Variants in KLRG1 observed in about 807,000 individuals in gnomAD.
KLRG1 encodes the protein killer cell lectin like receptor G1.
A neutral mutation model predicts 21.8 loss-of-function variants in KLRG1; 16 were observed. That is an observed-to-expected ratio of 0.73 (90% CI 0.50 to 1.11). The LOEUF (loss-of-function observed/expected upper bound fraction) is 1.11, where lower values mean the gene tolerates loss of function less well. KLRG1 is among the 50% of genes most tolerant of loss of function. The pLI, the probability that KLRG1 is intolerant of heterozygous loss-of-function variation, is 0.00. For synonymous variants in KLRG1, 69 were observed against 75.9 expected (o/e 0.91, Z 0.47); for missense variants, 173 against 218.3 (o/e 0.79, Z 1.31).
the KLRG1 span, among the ~76,000 whole-genome samples, chr12:9,159,444 C>G: frequency 6.6e-6 from 1 of 151,868 alleles, no homozygotes; most frequent in African/African-American, 2.4e-5. Flanking sequence ...TCCACCAAAA[C>G]TCATGTTAAA....
At chr12:9,122,932 G>T in the KLRG1 span, among the ~76,000 whole-genome samples, 2 of 48,546 alleles carry the variant, frequency 4.1e-5, no homozygotes, top group East Asian at 2.7e-4. Flanking sequence ...ACTGGTTTTT[G>T]ACTTTGGCAG....
chr12:9,093,819 G>C, the KLRG1 span, among the ~76,000 whole-genome samples: 1,963 of 152,084 alleles, frequency 0.013, 81 homozygotes, highest in African/African-American at 0.043. Flanking sequence ...CCAGCACTTT[G>C]AGAGGCCGAG....
At chr12:9,006,184 C>T (rs942553998) in intron 3 of KLRG1, among the ~76,000 whole-genome samples, 4 of 152,156 alleles carry the variant, frequency 2.6e-5, no homozygotes, top group African/African-American at 9.7e-5. Flanking sequence ...GTTACGTGTG[C>T]TTTCATTTTC....
chr12:9,200,527 T>C, the KLRG1 span: 1 of 1,171,914 alleles, frequency 8.5e-7, no homozygotes, highest in Middle Eastern at 2.0e-4. Flanking sequence ...ATGTCTATAA[T>C]TTTTCCCAAA....
At chr12:8,999,722 C>G (rs1310766323) in intron 3 of KLRG1, among the ~76,000 whole-genome samples, 1 of 152,132 alleles carries the variant, frequency 6.6e-6, no homozygotes, top group Non-Finnish European at 1.5e-5. Flanking sequence ...TCTCAGTTTC[C>G]TCATGTACAA....
chr12:9,154,993 C>G, the KLRG1 span, among the ~76,000 whole-genome samples: 10 of 152,206 alleles, frequency 6.6e-5, no homozygotes, highest in African/African-American at 2.2e-4. Context: ...CACTAACTCA[C>G]ACTTCTATGC....
At chr12:8,978,968 G>C (rs1229986706) in intron 1 of KLRG1, among the ~76,000 whole-genome samples, 1 of 150,766 alleles carries the variant, frequency 6.6e-6, no homozygotes. Context: ...ACCTGCTTCA[G>C]CCTCCCAAAG....
the KLRG1 span, chr12:9,065,324 A>T: frequency 6.6e-6 from 1 of 152,042 alleles, no homozygotes; most frequent in Non-Finnish European, 1.5e-5. Context: ...GGCTGTGGAC[A>T]TTTTCTGTGC....
the KLRG1 span, chr12:9,077,316 C>A: frequency 6.3e-7 from 1 of 1,590,984 alleles, no homozygotes; most frequent in Non-Finnish European, 8.6e-7. Context: ...CCAGAACTCT[C>A]CTTCAGCAGA....
the KLRG1 span, chr12:9,106,526 A>G: frequency 6.3e-7 from 1 of 1,598,750 alleles, no homozygotes; most frequent in Non-Finnish European, 8.5e-7. Context: ...CTCAGTGTGA[A>G]GTTTCATTTC....
chr12:9,075,471 C>T, the KLRG1 span, among the ~76,000 whole-genome samples: 10 of 152,086 alleles, frequency 6.6e-5, no homozygotes, highest in East Asian at 3.9e-4. Flanking sequence ...AGGAGAAACT[C>T]GATGTGTAAA....
chr12:9,149,045 T>C, the KLRG1 span: 1 of 1,528,120 alleles, frequency 6.5e-7, no homozygotes. Context: ...CTGAGGAGCA[T>C]TCAGTTGAGT....
chr12:9,079,524 C>T, the KLRG1 span: 1 of 1,103,684 alleles, frequency 9.1e-7, no homozygotes, highest in East Asian at 2.5e-5. Context: ...ACTATCATAG[C>T]AGCTATCATA....
At chr12:9,067,797 C>G in the KLRG1 span, 5 of 1,611,678 alleles carry the variant, frequency 3.1e-6, no homozygotes, top group East Asian at 1.1e-4. Flanking sequence ...AGGACTCCAG[C>G]AAAGCACTTT....
chr12:9,082,555 C>T, the KLRG1 span, among the ~76,000 whole-genome samples: 2 of 152,170 alleles, frequency 1.3e-5, no homozygotes, highest in Admixed American at 6.6e-5. Flanking sequence ...AAATAGCAAA[C>T]CTTTATCCCT....
At chr12:9,134,933 A>G in the KLRG1 span, among the ~76,000 whole-genome samples, 1 of 152,134 alleles carries the variant, frequency 6.6e-6, no homozygotes, top group Non-Finnish European at 1.5e-5. Flanking sequence ...TGAAAGAAAA[A>G]AGTAGCTGTC....
the KLRG1 span, among the ~76,000 whole-genome samples, chr12:9,071,847 A>G: frequency 6.6e-6 from 1 of 152,196 alleles, no homozygotes; most frequent in Non-Finnish European, 1.5e-5. Flanking sequence ...AGTATCTCCA[A>G]CCAAGTAATA....
At chr12:9,108,720 A>G in the KLRG1 span, among the ~76,000 whole-genome samples, 1 of 152,156 alleles carries the variant, frequency 6.6e-6, no homozygotes, top group African/African-American at 2.4e-5. Flanking sequence ...GATCCAGGAA[A>G]CAAGACTTTT....
At chr12:9,191,715 G>T in the KLRG1 span, among the ~76,000 whole-genome samples, 1 of 151,958 alleles carries the variant, frequency 6.6e-6, no homozygotes, top group South Asian at 2.1e-4. Flanking sequence ...AATAGAAAAC[G>T]ATCTTGGTTC....
Sources: allele counts gnomAD v4.1 joint callset (sites outside exome capture counted in the v4.1 genomes callset), GRCh38; gene constraint gnomAD v4.1.1; transcripts MANE v1.5; gene names NCBI Gene and HGNC (gene_info 2026-07-23, HGNC 2026-07-21).